ITGB6: variants seen among roughly 807,000 people sequenced by gnomAD.
ITGB6 encodes integrin subunit beta 6.
Under a neutral mutation model 84.5 loss-of-function variants are expected in ITGB6, and 80 were observed. The ratio of observed to expected loss-of-function variants is 0.95; its 90% confidence interval spans 0.79 to 1.14. The LOEUF is 1.14. Ranked by LOEUF, ITGB6 falls within the 50% of genes most tolerant of loss-of-function variation. The pLI is 0.00. For missense variants in ITGB6, 1,006 were observed against 968.0 expected (o/e 1.04, Z -0.52); for synonymous variants, 383 against 354.9 (o/e 1.08, Z -0.89).
At chr2:160,117,987 G>C (rs1682860700) in intron 12 of ITGB6, among the ~76,000 whole-genome samples, 1 of 152,148 alleles carries the variant, frequency 6.6e-6, no homozygotes, top group Admixed American at 6.5e-5. Context: ...TCTCTGAATA[G>C]ACCAATACAG....
rs1696971890 is a variant in ITGB6, at chr2:160,107,847, T to G, written c.2102-2A>C. ...GAATGTTTGGAGGCTTCGGACAATCTGCAGAAATAAAGAAAATTATAAGAA... is the reference window on the plus strand; with the variant it reads ...GAATGTTTGGAGGCTTCGGACAATCGGCAGAAATAAAGAAAATTATAAGAA... On this transcript the variant is annotated splice_acceptor_variant, in intron 13 of 14. Transcript: ENST00000283249. LOFTEE classifies it high-confidence loss of function. 1.3e-6 allele frequency: 2 copies of G among 1,574,236 alleles called. No individual in the cohort carries two copies. The highest frequency in any genetic ancestry group is 1.4e-5 in the African/African-American group (1 of 73,968).
chr2:160,192,759 C>T (rs1686189468), intron 4 of ITGB6, among the ~76,000 whole-genome samples: 1 of 151,698 alleles, frequency 6.6e-6, no homozygotes, highest in Non-Finnish European at 1.5e-5. Context: ...AACTTGTATC[C>T]AGCATATATA....
chr2:160,169,529 A>G (rs372764782), intron 6 of ITGB6, among the ~76,000 whole-genome samples: 22 of 152,312 alleles, frequency 1.4e-4, no homozygotes, highest in African/African-American at 5.3e-4. Flanking sequence ...CCTAAGAGTC[A>G]GTTCCTGTTG....
At chr2:160,121,167 T>G (rs1683020929) in intron 12 of ITGB6, among the ~76,000 whole-genome samples, 1 of 152,098 alleles carries the variant, frequency 6.6e-6, no homozygotes, top group African/African-American at 2.4e-5. Context: ...GTTAGCAGTT[T>G]TCAAAAAAAC....
intron 14 of ITGB6, among the ~76,000 whole-genome samples, chr2:160,107,247 G>A (rs2105773096): frequency 6.6e-6 from 1 of 152,164 alleles, no homozygotes. Flanking sequence ...TATTTCCAAA[G>A]AAATTGGCAT....
chr2:160,126,759 TAG>T (rs1274769444), intron 10 of ITGB6, among the ~76,000 whole-genome samples, 158 bp from the exon 11 acceptor site: 1 of 152,240 alleles, frequency 6.6e-6, no homozygotes, highest in African/African-American at 2.4e-5. Context: ...AGTATGAGTG[TAG>T]ATATATTGTA....
chr2:160,146,682 CTCTT>C (rs1221563367), intron 7 of ITGB6, among the ~76,000 whole-genome samples: 2 of 152,188 alleles, frequency 1.3e-5, no homozygotes, highest in South Asian at 2.1e-4. Flanking sequence ...CTGTTTCTCT[CTCTT>C]TCTTTCTTTC....
At chr2:160,194,315 G>A (rs1686252157) in intron 4 of ITGB6, among the ~76,000 whole-genome samples, 1 of 151,892 alleles carries the variant, frequency 6.6e-6, no homozygotes, top group African/African-American at 2.4e-5. Context: ...TAGTTGGGAA[G>A]TACACTGAGA....
intron 10 of ITGB6, among the ~76,000 whole-genome samples, chr2:160,135,908 A>G (rs1193839666): frequency 1.3e-5 from 2 of 152,208 alleles, no homozygotes; most frequent in African/African-American, 2.4e-5. Flanking sequence ...TTAATTCAAG[A>G]TGGATTAAAG....
At chr2:160,118,911 C>T (rs1204435259) in intron 12 of ITGB6, among the ~76,000 whole-genome samples, 5 of 152,170 alleles carry the variant, frequency 3.3e-5, no homozygotes, top group Non-Finnish European at 7.4e-5. Flanking sequence ...AACTCCCATT[C>T]ACAATTGCTT....
chr2:160,131,408 T>A (rs912857665), intron 10 of ITGB6, among the ~76,000 whole-genome samples: 1 of 151,954 alleles, frequency 6.6e-6, no homozygotes, highest in Non-Finnish European at 1.5e-5. Flanking sequence ...AGTGGCACAT[T>A]GCTTAGTATA....
Position 160,165,151 on chromosome 2 carries a change from A to T in ITGB6, c.1017+4061T>A, listed in dbSNP as rs565041024. On this transcript the variant is annotated intron_variant, in intron 7 of 14. Transcript: ENST00000283249. The stretch of plus-strand genomic sequence containing the variant: ...ACTCCTAGATGATTTTATTTTTACT[A>T]AAATCACAAGTTTGGAATACTCCAC... Among the ~76,000 whole-genome samples, 7 of 152,372 alleles carry T rather than the reference A, an allele frequency of 4.6e-5. No individual in the cohort carries two copies. The South Asian group carries it at 1.2e-3, about 27-fold the overall frequency.
intron 13 of ITGB6, among the ~76,000 whole-genome samples, chr2:160,109,471 C>G (rs1286481231): frequency 1.3e-5 from 2 of 152,128 alleles, no homozygotes; most frequent in Non-Finnish European, 2.9e-5. Flanking sequence ...AATCCTGCAC[C>G]TAGACATGAA....
Position 160,172,631 on chromosome 2 carries a change from T to C in ITGB6, c.859A>G (p.Ile287Val), listed in dbSNP as rs963061124. Residue 287 changes from isoleucine to valine, a missense_variant, in exon 6 of 15, where the codon ATT becomes GTT. Ile to Val is a conservative substitution (Grantham distance 29). Coordinates refer to ENST00000283249, the MANE Select transcript of ITGB6 (RefSeq NM_000888.5). ...GMDSKLAGIV[I>V]PNDGLCHLDS... The stretch of plus-strand genomic sequence containing the variant: ...AAGTGACAGAGCCCGTCATTAGGAA[T>C]GACGATGCCTGCTAGTTTGCTGTCC... 1.2e-6 allele frequency: 2 copies of C among 1,612,198 alleles called. No homozygotes were observed. Among genetic ancestry groups the C allele is most frequent in the Non-Finnish European group, 1.7e-6 (2 of 1,178,416 alleles).
At chr2:160,153,369 A>G (rs554466937) in intron 7 of ITGB6, among the ~76,000 whole-genome samples, 1 of 152,378 alleles carries the variant, frequency 6.6e-6, no homozygotes, top group Non-Finnish European at 1.5e-5. Context: ...TGGTGATGGG[A>G]AAACTGGCTA....
At chr2:160,154,189 T>C (rs1329610555) in intron 7 of ITGB6, among the ~76,000 whole-genome samples, 1 of 152,188 alleles carries the variant, frequency 6.6e-6, no homozygotes, top group East Asian at 1.9e-4. Flanking sequence ...AAGCCAAATG[T>C]CCATCAATGA....
rs1683791208 is a variant in ITGB6, at chr2:160,137,523, C to T, written c.1571G>A (p.Cys524Tyr). The T allele has an allele frequency of 6.2e-7, 1 of 1,614,200 alleles. No homozygotes were observed. Among genetic ancestry groups the T allele is most frequent in the South Asian group, 1.1e-5 (1 of 91,086 alleles). ...RGDCYCGQCI[C>Y]HLSPYGNIYG... ...AATGTTTCCATAGGGAGACAAGTGGCAGATACACTGCCCACAGTAGCAGTC... is the reference window on the plus strand; with the variant it reads ...AATGTTTCCATAGGGAGACAAGTGGTAGATACACTGCCCACAGTAGCAGTC... Residue 524 changes from cysteine (C) to tyrosine (Y), a missense_variant, in exon 10 of 15, where the codon TGC (cysteine) becomes TAC (tyrosine). Physicochemically the swap from Cys to Tyr is radical, Grantham distance 194 (BLOSUM62 -2). Coordinates refer to ENST00000283249, the MANE Select transcript of ITGB6 (RefSeq NM_000888.5).
intron 13 of ITGB6, among the ~76,000 whole-genome samples, chr2:160,108,419 A>C (rs1188566385): frequency 2.0e-5 from 3 of 152,180 alleles, no homozygotes; most frequent in Non-Finnish European, 4.4e-5. Context: ...GTTGAACCCT[A>C]ATGCAGTAGT....
At chr2:160,136,276 T>G (rs1335308226) in intron 10 of ITGB6, among the ~76,000 whole-genome samples, 1 of 152,214 alleles carries the variant, frequency 6.6e-6, no homozygotes, top group Non-Finnish European at 1.5e-5. Flanking sequence ...AAGACATTTA[T>G]GCAGCCAAAA....
Sources: gnomAD v4.1 joint callset for allele counts (sites outside exome capture counted in the v4.1 genomes callset) on GRCh38, gnomAD v4.1.1 for gene constraint, MANE v1.5 for transcripts, NCBI Gene and HGNC (gene_info 2026-07-23, HGNC 2026-07-21) for gene names.